The following NOD1 variants were observed in gnomAD, a reference collection of about 807,000 sequenced individuals.
NOD1 encodes the protein nucleotide binding oligomerization domain containing 1.
Under a neutral mutation model 81.2 loss-of-function variants are expected in NOD1, and 70 were observed. The observed-to-expected ratio is 0.86, with a 90% CI of 0.71 to 1.05. The LOEUF is 1.05. Ranked by LOEUF, NOD1 falls within the 50% of genes least tolerant of loss-of-function variation. The pLI, the probability that NOD1 is intolerant of heterozygous loss-of-function variation, is 0.00. For synonymous variants in NOD1, 508 were observed against 526.9 expected (o/e 0.96, Z 0.49); for missense variants, 1,233 against 1,228.0 (o/e 1.00, Z -0.06).
At position 30,455,190 on chromosome 7, in the gene NOD1, CCGAT is replaced by C; in HGVS notation, c.319_322del (p.Ile107AlafsTer19). The stretch of plus-strand genomic sequence containing the variant: ...CTGAGTGAGCAGGGAAGGGGAGAAG[CCGAT>C]CTCCAGCAGCCAAGGCCTGAGGTCC... On this transcript the variant is annotated frameshift_variant, in exon 5 of 14. Coordinates refer to ENST00000222823, the MANE Select transcript of NOD1 (RefSeq NM_006092.4). LOFTEE classifies it high-confidence loss of function. The C allele has an allele frequency of 6.2e-7, 1 of 1,614,130 alleles. No homozygotes were observed. Among genetic ancestry groups the C allele is most frequent in the East Asian group, 2.2e-5 (1 of 44,882 alleles).
rs182490563 is a variant in NOD1 at position 30,477,461 on chromosome 7, C to T, written c.-352+1145G>A. Among the ~76,000 whole-genome samples, 641 of 152,266 alleles carry T rather than the reference C, an allele frequency of 4.2e-3. 6 individuals carry two copies. The highest frequency in any genetic ancestry group is 0.014 in the African/African-American group (589 of 41,544). The stretch of plus-strand genomic sequence containing the variant: ...CTTCAACAGGGGCTTTGAGGGAGAA[C>T]AAACTCGACCCTTTGGCAAGCACGA... On this transcript the variant is annotated intron_variant, in intron 1 of 13. Transcript: ENST00000222823.
chr7:30,428,377 A>T (rs1001726451), intron 13 of NOD1: 1 of 151,772 alleles, frequency 6.6e-6, no homozygotes, highest in African/African-American at 2.4e-5. Flanking sequence ...GTTTTTTTTA[A>T]AAAAAAACCT....
At chr7:30,447,994 A>C (rs1785286277) in intron 7 of NOD1, 1 of 340,222 alleles carries the variant, frequency 2.9e-6, no homozygotes, top group Non-Finnish European at 5.4e-6. Flanking sequence ...CTAATATGTA[A>C]ACAGGATTCT....
At chr7:30,457,147 T>C in intron 3 of NOD1, 105 bp from the exon 4 acceptor site, 1 of 549,536 alleles carries the variant, frequency 1.8e-6, no homozygotes, top group Non-Finnish European at 3.3e-6. Context: ...GAAGGAACCA[T>C]GCTTAAGACC....
At chr7:30,436,442 CAA>C (rs1364978795) in intron 10 of NOD1, among the ~76,000 whole-genome samples, 10 of 152,248 alleles carry the variant, frequency 6.6e-5, no homozygotes, top group African/African-American at 2.2e-4. Flanking sequence ...CAAGACCTGG[CAA>C]AGTCTCTTCT....
Position 30,424,647 on chromosome 7 carries a change from C to T in NOD1, c.*991G>A, listed in dbSNP as rs1783303855. ...GCCCACCATGGTGGGGGGTGTCCAACATGCTCTGCTGGCCCAGTTCCCAGC... is the reference window on the plus strand; with the variant it reads ...GCCCACCATGGTGGGGGGTGTCCAATATGCTCTGCTGGCCCAGTTCCCAGC... On this transcript the variant is annotated 3_prime_UTR_variant, in exon 14 of 14. Transcript: ENST00000222823. 6.6e-6 allele frequency: 1 copy of T among 152,228 alleles called. No individual in the cohort carries two copies. 9.4% of individuals were successfully genotyped at this position (152,228 alleles called of 1,614,324 possible). A position where few individuals can be genotyped will look rare whatever the true frequency, so the allele number is the denominator to read the frequency against.
At chr7:30,445,756 CAAAAAAAAAAA>C (rs35669955) in intron 9 of NOD1, among the ~76,000 whole-genome samples, 26 of 36,078 alleles carry the variant, frequency 7.2e-4, no homozygotes, top group African/African-American at 1.4e-3. Flanking sequence ...GAGACTCTGT[CAAAAAAAAAAA>C]AAAAAAAAAA....
At chr7:30,469,231 G>A in intron 1 of NOD1, 1 of 985,406 alleles carries the variant, frequency 1.0e-6, no homozygotes, top group Non-Finnish European at 1.2e-6. Flanking sequence ...GCCGACTCTG[G>A]AGACAATTTA....
At chr7:30,457,828 G>A (rs892164486) in intron 3 of NOD1, among the ~76,000 whole-genome samples, 10 of 152,128 alleles carry the variant, frequency 6.6e-5, no homozygotes, top group South Asian at 2.1e-4. Flanking sequence ...AGGAACCTGC[G>A]GACGGTGATG....
Position 30,459,132 on chromosome 7 carries a change from A to C in NOD1, c.-122+20T>G, listed in dbSNP as rs1305526454. Reference sequence around the variant, plus strand: ...CATACCAGCTGACAATATTAAATTTAAATTAGCAGTTAATAATACCTTTTT... The same window carrying C: ...CATACCAGCTGACAATATTAAATTTCAATTAGCAGTTAATAATACCTTTTT... On this transcript the variant is annotated intron_variant, in intron 3 of 13. Transcript: ENST00000222823. 1 of 152,666 alleles carries C rather than the reference A, an allele frequency of 6.6e-6. No homozygotes were observed. The highest frequency in any genetic ancestry group is 1.5e-5 in the Non-Finnish European group (1 of 68,048). 9.5% of individuals were successfully genotyped at this position (152,666 alleles called of 1,614,324 possible). A position where few individuals can be genotyped will look rare whatever the true frequency, so the allele number is the denominator to read the frequency against.
At chr7:30,450,430 A>G (rs1225413636) in intron 6 of NOD1, among the ~76,000 whole-genome samples, 2 of 152,210 alleles carry the variant, frequency 1.3e-5, no homozygotes, top group Non-Finnish European at 2.9e-5. Context: ...TTAGAAATGC[A>G]TGAGTCAAGT....
rs1786423591 is a variant in NOD1, at chr7:30,456,772, G to A, written c.150C>T (p.Phe50=). The A allele has an allele frequency of 6.2e-7, 1 of 1,614,078 alleles. No homozygotes were observed. ...ACACAATCTCCGCATCTTCGGCCGA[G>A]AAGTAGTCATTCTTCAGCAAGTTGT... ...LVDNLLKNDY[F]SAEDAEIVCA... The change falls in exon 4 of 14, where the codon TTC becomes TTT. Residue 50 remains phenylalanine, a synonymous_variant. Coordinates refer to ENST00000222823, the MANE Select transcript of NOD1 (RefSeq NM_006092.4).
intron 12 of NOD1, 96 bp downstream of exon 12, chr7:30,433,000 A>G: frequency 5.5e-6 from 5 of 910,184 alleles, no homozygotes; most frequent in Non-Finnish European, 8.6e-6. Flanking sequence ...TGAATTGTAT[A>G]CTTTAAGAGA....
rs761451836 is a variant in NOD1 at position 30,452,391 on chromosome 7, G to A, written c.1026C>T (p.Phe342=). 1 of 1,613,372 alleles carries A rather than the reference G, an allele frequency of 6.2e-7. No individual in the cohort carries two copies. ...ARTGIEVPRQ[F]LRKKVLLRGF... The stretch of plus-strand genomic sequence containing the variant: ...CCCGGAGAAGCACCTTCTTCCGCAG[G>A]AACTGGCGCGGGACCTCGATGCCTG... Residue 342 remains phenylalanine, a synonymous_variant, in exon 6 of 14, where the codon TTC becomes TTT. Coordinates refer to ENST00000222823, the MANE Select transcript of NOD1 (RefSeq NM_006092.4).
intron 1 of NOD1, among the ~76,000 whole-genome samples, chr7:30,469,672 A>G (rs1788069085): frequency 6.7e-6 from 1 of 149,336 alleles, no homozygotes; most frequent in Non-Finnish European, 1.5e-5. Flanking sequence ...GTGCACAGAG[A>G]GCCAGCTCCT....
chr7:30,436,940 C>A (rs547190668), intron 10 of NOD1, among the ~76,000 whole-genome samples: 5 of 152,276 alleles, frequency 3.3e-5, no homozygotes, highest in Admixed American at 3.3e-4. Flanking sequence ...TTTATTGTAG[C>A]ACTATTTACA....
rs1284674795 is a variant in NOD1 at position 30,451,555 on chromosome 7, C to T, written c.1862G>A (p.Trp621Ter). The T allele has an allele frequency of 6.2e-7, 1 of 1,613,352 alleles. No individual in the cohort carries two copies. Among genetic ancestry groups the T allele is most frequent in the Non-Finnish European group, 8.5e-7 (1 of 1,179,870 alleles). Residue 621 changes from tryptophan to a stop codon, truncating the protein, a stop_gained, in exon 6 of 14, where the codon TGG becomes TAG. Coordinates refer to ENST00000222823, the MANE Select transcript of NOD1 (RefSeq NM_006092.4). LOFTEE classifies it high-confidence loss of function. This position sits in a 1 kb window ranked among gnomAD's most constrained non-coding sequence, Gnocchi z 4.2. ...CCGCAGGCTGGAAAACAGGTGTGCC[C>T]ACAGGGCCTTGCGCTTTCTCCTCAG... ...AALRRKRKALWAHLFSSLRGY... is the reference protein window; with the variant it reads ...AALRRKRKAL
chr7:30,449,944 A>G (rs1234180288), intron 6 of NOD1, among the ~76,000 whole-genome samples: 2 of 152,114 alleles, frequency 1.3e-5, no homozygotes, highest in East Asian at 1.9e-4. Flanking sequence ...TGTAACCCCA[A>G]CATTTTGGAA....
At chr7:30,436,577 C>T (rs1784399243) in intron 10 of NOD1, among the ~76,000 whole-genome samples, 1 of 152,220 alleles carries the variant, frequency 6.6e-6, no homozygotes, top group African/African-American at 2.4e-5. Context: ...AGGTGCATCC[C>T]CATTTATAGA....
Sources: gnomAD v4.1 joint callset for allele counts (sites outside exome capture counted in the v4.1 genomes callset) on GRCh38, gnomAD v4.1.1 for gene constraint, Gnocchi (gnomAD v3.1) non-coding constraint, MANE v1.5 for transcripts, NCBI Gene and HGNC (gene_info 2026-07-23, HGNC 2026-07-21) for gene names.